Variants in NEB observed in about 807,000 individuals in gnomAD.
NEB encodes nebulin.
A neutral mutation model predicts 952.2 loss-of-function variants in NEB; 512 were observed. That is an observed-to-expected ratio of 0.54 (90% CI 0.50 to 0.58). NEB has a LOEUF of 0.58. Ranked by LOEUF, NEB falls within the 20% of genes least tolerant of loss-of-function variation. The pLI, the probability that NEB is intolerant of heterozygous loss-of-function variation, is 0.00. For missense variants in NEB, 8,428 were observed against 9,231.1 expected, an observed-to-expected ratio of 0.91 and a Z score of 3.56; for synonymous variants, 2,900 against 3,149.8, an observed-to-expected ratio of 0.92 and a Z score of 2.66.
chr2:151,537,173 C>A lies in NEB; in HGVS notation c.21166G>T (p.Asp7056Tyr). The A allele has an allele frequency of 6.2e-7, 1 of 1,613,102 alleles. No individual in the cohort carries two copies. Among genetic ancestry groups the A allele is most frequent in the Non-Finnish European group, 8.5e-7 (1 of 1,179,366 alleles). Residue 7056 changes from aspartate (D) to tyrosine (Y), a missense_variant, in exon 141 of 182, where the codon GAT (aspartate) becomes TAT (tyrosine). By Grantham distance (160) the Asp-to-Tyr change is radical (BLOSUM62 -3). Transcript: ENST00000397345. ...TTGTTCTTTTCAGCCAGAGTGAAAT[C>A]AGGGGTATCATAGGCATAGCAACCA... Reference protein sequence around the residue: ...GIGCYAYDTPDFTLAEKNKTL... With the variant: ...GIGCYAYDTPYFTLAEKNKTL...
Position 151,562,754 on chromosome 2 carries a change from C to T in NEB, c.18748G>A (p.Asp6250Asn), listed in dbSNP as rs1352665263. 3.1e-6 allele frequency: 5 copies of T among 1,597,792 alleles called. No individual in the cohort carries two copies. In the African/African-American group the frequency reaches 6.7e-5, roughly 21 times the overall value. ...DTKANVHIPNDMMNHVLAKRC... is the reference protein window; with the variant it reads ...DTKANVHIPNNMMNHVLAKRC... ...TTAGCCAGCACGTGATTCATCATGT[C>T]ATTGGGGATATGAACATTTGCTTTG... Residue 6250 changes from aspartate (D) to asparagine (N), a missense_variant, in exon 120 of 182, where the codon GAC (aspartate) becomes AAC (asparagine). By Grantham distance (23) the Asp-to-Asn change is conservative. Around this residue, in one of 11 missense-constraint regions of NEB, gnomAD observed 3,374 missense variants for 3,651.5 expected, o/e 0.92. Coordinates refer to ENST00000397345, the MANE Select transcript of NEB (RefSeq NM_001164508.2).
rs143310245 is a variant in NEB, at chr2:151,575,319, T to C, written c.17013+376A>G. Among the ~76,000 whole-genome samples, 720 of 152,334 alleles carry C rather than the reference T, an allele frequency of 4.7e-3. 4 individuals carry two copies. The highest frequency in any genetic ancestry group is 0.016 in the African/African-American group (676 of 41,574). On this transcript the variant is annotated intron_variant, in intron 107 of 181. Coordinates refer to ENST00000397345, the MANE Select transcript of NEB (RefSeq NM_001164508.2). ...TTTCTAGAAAACCCCCCGAGGTCCA[T>C]GTTTTAAAATTAATTCATATATTTT...
chr2:151,714,652 G>A (rs1220188026), intron 10 of NEB, among the ~76,000 whole-genome samples: 1 of 152,130 alleles, frequency 6.6e-6, no homozygotes, highest in Non-Finnish European at 1.5e-5. Context: ...CCCAACAGAT[G>A]GATCTGGGAG....
intron 143 of NEB, 56 bp downstream of exon 143, chr2:151,533,386 G>A: frequency 2.7e-6 from 3 of 1,128,076 alleles, no homozygotes; most frequent in South Asian, 2.7e-5. Flanking sequence ...AGCATACAAG[G>A]GAATGCATCC....
intron 142 of NEB, chr2:151,534,384 A>G (rs1235624145): frequency 2.2e-6 from 3 of 1,376,108 alleles, no homozygotes; most frequent in Non-Finnish European, 3.1e-6. Flanking sequence ...AAATGTCTCA[A>G]GGTAAACACT....
At chr2:151,517,481 G>A (rs977800886) in intron 156 of NEB, among the ~76,000 whole-genome samples, 2 of 152,214 alleles carry the variant, frequency 1.3e-5, no homozygotes, top group African/African-American at 4.8e-5. Context: ...TCATGTGATA[G>A]TAAGTTCTTT....
chr2:151,529,408 G>T, intron 145 of NEB, 94 bp from the exon 146 acceptor site: 1 of 809,752 alleles, frequency 1.2e-6, no homozygotes, highest in Non-Finnish European at 2.1e-6. Flanking sequence ...CATGACTATA[G>T]TACACAATGC....
chr2:151,625,481 C>A (rs2098505226), intron 71 of NEB, 53 bp downstream of exon 71: 3 of 1,348,490 alleles, frequency 2.2e-6, no homozygotes, highest in Non-Finnish European at 3.1e-6. Context: ...CACATTCCTA[C>A]ATCGGCAACA....
chr2:151,506,246 C>G lies in NEB; in HGVS notation c.23569G>C (p.Glu7857Gln), dbSNP rs1427816148. The G allele has an allele frequency of 2.5e-6, 4 of 1,612,582 alleles. No homozygotes were observed. The highest frequency in any genetic ancestry group is 3.4e-6 in the Non-Finnish European group (4 of 1,178,724). ...QKNFSSVLYK[E>Q]DVSPGTAIGK... ...ATAGCCGTTCCTGGTGAGACATCCTCTTTATATAAAACCTGGGCATTCAGA... is the reference window on the plus strand; with the variant it reads ...ATAGCCGTTCCTGGTGAGACATCCTGTTTATATAAAACCTGGGCATTCAGA... Residue 7857 changes from glutamate to glutamine, a missense_variant, in exon 164 of 182, where the codon GAG becomes CAG. Transcript: ENST00000397345.
In NEB at chr2:151,616,039, A is replaced by C; in HGVS notation, c.11252T>G (p.Ile3751Ser). The C allele has an allele frequency of 1.2e-6, 2 of 1,613,222 alleles. No individual in the cohort carries two copies. The highest frequency in any genetic ancestry group is 1.7e-6 in the Non-Finnish European group (2 of 1,179,640). The change falls in exon 76 of 182, where the codon ATC (isoleucine) becomes AGC (serine). Residue 3751 changes from isoleucine to serine, a missense_variant. This residue lies in a region of NEB where 1,772 missense variants were observed against 1,960.3 expected (regional missense o/e 0.90). Coordinates refer to ENST00000397345, the MANE Select transcript of NEB (RefSeq NM_001164508.2). ...ATCTCTTGAAGCCTTGGCTGCTTGGATTGGAATGGCATCCAGACGCAAGTC... is the reference window on the plus strand; with the variant it reads ...ATCTCTTGAAGCCTTGGCTGCTTGGCTTGGAATGGCATCCAGACGCAAGTC... ...GYDLRLDAIP[I>S]QAAKASRDIA...
At chr2:151,656,844 G>C (rs1192795280) in intron 48 of NEB, among the ~76,000 whole-genome samples, 1 of 129,408 alleles carries the variant, frequency 7.7e-6, no homozygotes, top group Non-Finnish European at 1.5e-5. Context: ...GAACACAGAA[G>C]ATGAAAAAAA....
At position 151,560,260 on chromosome 2, in the gene NEB, T is replaced by C. The variant is rs1223037348; in HGVS notation, c.19314+332A>G. Among the ~76,000 whole-genome samples the C allele has an allele frequency of 3.9e-5, 6 of 152,342 alleles. No individual in the cohort carries two copies. The East Asian group carries it at 1.2e-3, about 29-fold the overall frequency. ...TTGCCCTACATCCATGTAATTCTATTGAAAAAGTCTATTTCTGTAAGGTGT... is the reference window on the plus strand; with the variant it reads ...TTGCCCTACATCCATGTAATTCTATCGAAAAAGTCTATTTCTGTAAGGTGT... On this transcript the variant is annotated intron_variant, in intron 124 of 181. Coordinates refer to ENST00000397345, the MANE Select transcript of NEB (RefSeq NM_001164508.2).
At chr2:151,665,231 G>T (rs543217471) in intron 42 of NEB, 102 bp downstream of exon 42, 3 of 1,113,938 alleles carry the variant, frequency 2.7e-6, no homozygotes, top group Non-Finnish European at 3.9e-6. Flanking sequence ...GCACGAAGAC[G>T]ATCAGAAAGA....
chr2:151,569,141 T>A lies in NEB; in HGVS notation c.17535+127A>T, dbSNP rs757891686. 39 of 751,224 alleles carry A rather than the reference T, an allele frequency of 5.2e-5. No homozygotes were observed. The Middle Eastern group carries it at 1.2e-3, about 24-fold the overall frequency. The allele number at this position is 751,224 out of a possible 1,614,324, so 46.5% of individuals were successfully genotyped here. A position where few individuals can be genotyped will look rare whatever the true frequency, so the allele number is the denominator to read the frequency against. Reference sequence around the variant, plus strand: ...GACAGTACATTTTGAAAAATATATATGCTCAGTTTAAATCACAGCAATTGA... The same window carrying A: ...GACAGTACATTTTGAAAAATATATAAGCTCAGTTTAAATCACAGCAATTGA... On this transcript the variant is annotated intron_variant, in intron 110 of 181. Coordinates refer to ENST00000397345, the MANE Select transcript of NEB (RefSeq NM_001164508.2).
intron 12 of NEB, among the ~76,000 whole-genome samples, chr2:151,708,257 C>T (rs1043486587): frequency 1.3e-5 from 2 of 152,176 alleles, no homozygotes; most frequent in African/African-American, 4.8e-5. Context: ...TAGCTACTTG[C>T]CCATTTTCTT....
Position 151,534,071 on chromosome 2 carries a change from G to A in NEB, c.21313-525C>T, listed in dbSNP as rs923796561. On this transcript the variant is annotated intron_variant, in intron 142 of 181. Coordinates refer to ENST00000397345, the MANE Select transcript of NEB (RefSeq NM_001164508.2). ...CACTCAAATAGCTGACGGGCTTTTTGGGTGGCTAGACAGATACTTTGAAAC... is the reference window on the plus strand; with the variant it reads ...CACTCAAATAGCTGACGGGCTTTTTAGGTGGCTAGACAGATACTTTGAAAC... 3 of 630,532 alleles carry A rather than the reference G, an allele frequency of 4.8e-6. No homozygotes were observed. In the African/African-American group the frequency reaches 5.4e-5, roughly 11 times the overall value. 39.1% of individuals were successfully genotyped at this position (630,532 alleles called of 1,614,324 possible).
At chr2:151,612,507 G>C in intron 77 of NEB, 118 bp from the exon 78 acceptor site, 1 of 1,029,460 alleles carries the variant, frequency 9.7e-7, no homozygotes, top group Non-Finnish European at 1.4e-6. Context: ...TAAATTTCTG[G>C]GAAGACCCAC....
At chr2:151,627,937 G>A in intron 68 of NEB, 103 bp from the exon 69 acceptor site, 5 of 1,391,266 alleles carry the variant, frequency 3.6e-6, no homozygotes, top group Non-Finnish European at 4.8e-6. Context: ...TTCTTGCAGA[G>A]TAATGAAAGA....
In NEB at chr2:151,612,174, C is replaced by A; in HGVS notation, c.11805+12G>T. 1 of 1,610,616 alleles carries A rather than the reference C, an allele frequency of 6.2e-7. No individual in the cohort carries two copies. The highest frequency in any genetic ancestry group is 1.1e-5 in the South Asian group (1 of 90,974). On this transcript the variant is annotated intron_variant, in intron 78 of 181. Transcript: ENST00000397345. Reference sequence around the variant, plus strand: ...GTATGATTCTGGCAACAGAAAACAGCTGGAGACTCACCTTGCTCATTGTCA... The same window carrying A: ...GTATGATTCTGGCAACAGAAAACAGATGGAGACTCACCTTGCTCATTGTCA...
Sources: gnomAD v4.1 joint callset for allele counts (sites outside exome capture counted in the v4.1 genomes callset) on GRCh38, gnomAD v4.1.1 for gene constraint, gnomAD v4.1.1 regional missense constraint, MANE v1.5 for transcripts, NCBI Gene and HGNC (gene_info 2026-07-23, HGNC 2026-07-21) for gene names.